Variants in IL34 observed in about 807,000 individuals in gnomAD.
IL34 encodes interleukin-34.
Under a neutral mutation model 25.3 loss-of-function variants are expected in IL34, and 17 were observed. The ratio of observed to expected loss-of-function variants is 0.67; its 90% confidence interval spans 0.46 to 1.01. The LOEUF (loss-of-function observed/expected upper bound fraction) is 1.01. Among genes scored for constraint, IL34 ranks in the 50% least tolerant of loss-of-function variants. The pLI is 0.00. For missense variants in IL34, 368 were observed against 312.9 expected, an observed-to-expected ratio of 1.18 and a Z score of -1.33; for synonymous variants, 174 against 140.9, an observed-to-expected ratio of 1.23 and a Z score of -1.66.
chr16:70,623,580 G>T (rs1036934202), intron 1 of IL34, among the ~76,000 whole-genome samples: 1 of 151,966 alleles, frequency 6.6e-6, no homozygotes, highest in African/African-American at 2.4e-5. Context: ...TTAATGAGAT[G>T]GTAAGGGGTG....
chr16:70,624,203 C>CTG (rs2051341277), intron 1 of IL34, among the ~76,000 whole-genome samples: 1 of 151,610 alleles, frequency 6.6e-6, no homozygotes, highest in Non-Finnish European at 1.5e-5. Context: ...CCCGGGCTGC[C>CTG]GGCATTCCTT....
intron 1 of IL34, among the ~76,000 whole-genome samples, chr16:70,599,293 C>CTTTCTTTCTTTCTTTCTTTTCTTTCT (rs113794220): frequency 7.5e-6 from 1 of 132,702 alleles, no homozygotes; most frequent in African/African-American, 3.0e-5. Context: ...TTCTTTCTTT[C>CTTTCTTTCTTTCTTTCTTTTCTTTCT]TTCTTTCTTT....
chr16:70,652,017 A>C (rs2052093127), intron 1 of IL34, among the ~76,000 whole-genome samples: 1 of 151,878 alleles, frequency 6.6e-6, no homozygotes, highest in South Asian at 2.1e-4. Flanking sequence ...AATCCCAGCT[A>C]CTCGGGAGGC....
chr16:70,618,227 A>G (rs1007427680), intron 1 of IL34, among the ~76,000 whole-genome samples: 2 of 151,994 alleles, frequency 1.3e-5, no homozygotes, highest in Non-Finnish European at 2.9e-5. Context: ...TGGAACCTCC[A>G]TCAATAAATC....
rs572668662 is a variant in IL34 at position 70,656,990 on chromosome 16, C to A, written c.271C>A (p.Arg91=). The change falls in exon 4 of 6, where the codon CGG becomes AGG. Residue 91 remains arginine (R), a synonymous_variant. Transcript: ENST00000288098. ...GGCCCAGGTGAGCGAGCGGGAGCTG[C>A]GGTATCTGTGGGTCTTGGTGAGCCT... is the stretch of plus-strand genomic sequence containing the variant. ...QRAQVSEREL[R]YLWVLVSLSA... is the part of the protein sequence containing the mutation. 1.9e-6 allele frequency: 3 copies of A among 1,611,280 alleles called. No individual in the cohort carries two copies. Among genetic ancestry groups the A allele is most frequent in the Non-Finnish European group, 2.5e-6 (3 of 1,179,402 alleles).
chr16:70,643,590 G>T (rs1597772277), upstream of IL34, among the ~76,000 whole-genome samples: 2 of 152,344 alleles, frequency 1.3e-5, no homozygotes, highest in Admixed American at 6.5e-5. Context: ...GCCCGGGCTG[G>T]TCTCAAAGCC....
intron 1 of IL34, among the ~76,000 whole-genome samples, chr16:70,608,064 G>A (rs1405993009): frequency 1.3e-5 from 2 of 151,416 alleles, no homozygotes; most frequent in African/African-American, 2.4e-5. Context: ...CACCTTGCCC[G>A]GCCGGTTTTT....
At chr16:70,599,255 G>A (rs1457806087) in intron 1 of IL34, among the ~76,000 whole-genome samples, 2 of 101,446 alleles carry the variant, frequency 2.0e-5, no homozygotes, top group Non-Finnish European at 4.1e-5. Flanking sequence ...TACCTGTTAT[G>A]TCAAGAACTG....
At chr16:70,633,444 C>T (rs2051565272) in intron 1 of IL34, among the ~76,000 whole-genome samples, 1 of 151,512 alleles carries the variant, frequency 6.6e-6, no homozygotes, top group Non-Finnish European at 1.5e-5. Flanking sequence ...TTATTTTTTT[C>T]TCTAGAGACG....
intron 4 of IL34, among the ~76,000 whole-genome samples, 172 bp from the exon 5 acceptor site, chr16:70,659,446 C>T (rs530117614): frequency 8.5e-5 from 13 of 152,314 alleles, no homozygotes; most frequent in African/African-American, 3.1e-4. Context: ...TGGGACCCTC[C>T]CCATGCCCAC....
At chr16:70,644,194 C>T (rs2051852373), upstream of IL34, among the ~76,000 whole-genome samples, 1 of 152,158 alleles carries the variant, frequency 6.6e-6, no homozygotes, top group Non-Finnish European at 1.5e-5. Flanking sequence ...AGGCTGGTCT[C>T]AAAGTCCTGA....
chr16:70,609,063 A>T (rs1329193576), intron 1 of IL34, among the ~76,000 whole-genome samples: 5 of 151,936 alleles, frequency 3.3e-5, no homozygotes, highest in South Asian at 2.1e-4. Context: ...TTTATTTTTT[A>T]AAAATTATGT....
chr16:70,645,105 AAG>A (rs756902063), upstream of IL34, among the ~76,000 whole-genome samples: 33 of 125,820 alleles, frequency 2.6e-4, no homozygotes, highest in South Asian at 6.9e-4. Context: ...AGGAGGGGGA[AAG>A]AGGAGGAAGA....
At chr16:70,636,585 T>TCACACACACACACACACACACACA (rs34816911) in intron 1 of IL34, among the ~76,000 whole-genome samples, 3 of 136,384 alleles carry the variant, frequency 2.2e-5, no homozygotes, top group Middle Eastern at 6.5e-3. Context: ...GCAAACCCTG[T>TCACACACACACACACACACACACA]CACACACACA....
intron 1 of IL34, among the ~76,000 whole-genome samples, chr16:70,615,558 G>T (rs937027326): frequency 1.3e-4 from 20 of 152,164 alleles, no homozygotes; most frequent in African/African-American, 4.8e-4. Flanking sequence ...TCTCTGAAAG[G>T]TGTCTGAGTT....
Position 70,659,760 on chromosome 16 carries a change from A to T in IL34, c.538+7A>T, listed in dbSNP as rs1639151999. The T allele has an allele frequency of 6.3e-7, 1 of 1,589,788 alleles. No homozygotes were observed. The highest frequency in any genetic ancestry group is 1.1e-5 in the South Asian group (1 of 89,980). On this transcript the variant is annotated splice_region_variant and intron_variant, in intron 5 of 5. Coordinates refer to ENST00000288098, the MANE Select transcript of IL34 (RefSeq NM_001393494.1). Reference sequence around the variant, plus strand: ...CTGCTGTACTGCTCCTGCTGTAAGGAGCTCTCAGGGGATGGCGCCTGGGGG... The same window carrying T: ...CTGCTGTACTGCTCCTGCTGTAAGGTGCTCTCAGGGGATGGCGCCTGGGGG...
At chr16:70,642,367 G>A (rs1476032775), upstream of IL34, among the ~76,000 whole-genome samples, 1 of 145,748 alleles carries the variant, frequency 6.9e-6, no homozygotes. Context: ...GCATGATCTC[G>A]GCTCACTGCA....
intron 1 of IL34, among the ~76,000 whole-genome samples, chr16:70,611,433 A>C (rs997389470): frequency 5.3e-5 from 8 of 152,120 alleles, no homozygotes; most frequent in Non-Finnish European, 1.2e-4. Context: ...CACTGACTGA[A>C]TTAGGGGTGC....
At chr16:70,605,674 C>T (rs1392509377) in intron 1 of IL34, among the ~76,000 whole-genome samples, 1 of 152,012 alleles carries the variant, frequency 6.6e-6, no homozygotes, top group Non-Finnish European at 1.5e-5. Flanking sequence ...CTTCTCTTCT[C>T]TTCTTTTTTT....
Sources: gnomAD v4.1 joint callset for allele counts (sites outside exome capture counted in the v4.1 genomes callset) on GRCh38, gnomAD v4.1.1 for gene constraint, MANE v1.5 for transcripts, NCBI Gene and HGNC (gene_info 2026-07-23, HGNC 2026-07-21) for gene names.